RANBP10: variants seen among roughly 807,000 people sequenced by gnomAD.
The protein encoded by RANBP10 is ran-binding protein 10.
In RANBP10, 24 loss-of-function variants were observed where a neutral mutation model predicts 72.8. The ratio of observed to expected loss-of-function variants is 0.33; its 90% confidence interval spans 0.24 to 0.46. The LOEUF (loss-of-function observed/expected upper bound fraction) is 0.46, where lower values mean the gene tolerates loss of function less well. RANBP10 is among the 20% of genes least tolerant of loss of function. The pLI is 1.00. For missense variants in RANBP10, 679 were observed against 817.5 expected, an observed-to-expected ratio of 0.83 and a Z score of 2.07; for synonymous variants, 310 against 322.3, an observed-to-expected ratio of 0.96 and a Z score of 0.41.
At chr16:67,773,056 T>C (rs572655080) in intron 2 of RANBP10, among the ~76,000 whole-genome samples, 2 of 152,322 alleles carry the variant, frequency 1.3e-5, no homozygotes, top group East Asian at 3.9e-4. Context: ...TAGAATGATA[T>C]GGTTTCGATG....
At chr16:67,756,172 T>C (rs2054282336) in intron 3 of RANBP10, among the ~76,000 whole-genome samples, 1 of 152,232 alleles carries the variant, frequency 6.6e-6, no homozygotes, top group African/African-American at 2.4e-5. Flanking sequence ...GGAAGACTCC[T>C]GTAGGGTGCC....
intron 3 of RANBP10, among the ~76,000 whole-genome samples, chr16:67,750,832 T>A (rs982951331): frequency 7.1e-6 from 1 of 140,054 alleles, no homozygotes; most frequent in African/African-American, 2.6e-5. Flanking sequence ...AGCGGCGCAA[T>A]CTCGGCTCAC....
intron 3 of RANBP10, among the ~76,000 whole-genome samples, chr16:67,769,463 G>T (rs8062172): frequency 9.3e-6 from 1 of 107,810 alleles, no homozygotes; most frequent in African/African-American, 3.3e-5. Flanking sequence ...AAAAAAAAAA[G>T]TGCTGGGCGC....
At chr16:67,770,123 C>G (rs1428405442) in intron 3 of RANBP10, among the ~76,000 whole-genome samples, 1 of 152,004 alleles carries the variant, frequency 6.6e-6, no homozygotes, top group East Asian at 1.9e-4. Context: ...CAACTCAGTG[C>G]AAAAGTTGAA....
intron 2 of RANBP10, among the ~76,000 whole-genome samples, chr16:67,774,391 G>C (rs1303995040): frequency 2.6e-5 from 4 of 152,222 alleles, no homozygotes; most frequent in Non-Finnish European, 5.9e-5. Flanking sequence ...TATGGGAATG[G>C]GGAATCACTA....
At chr16:67,805,282 A>G in intron 2 of RANBP10, 146 bp downstream of exon 2, 1 of 618,526 alleles carries the variant, frequency 1.6e-6, no homozygotes, top group Admixed American at 3.0e-5. Flanking sequence ...AGACCAGACC[A>G]TGCCCACAGT....
chr16:67,797,481 A>C (rs1169584826), intron 2 of RANBP10, among the ~76,000 whole-genome samples: 2 of 151,990 alleles, frequency 1.3e-5, no homozygotes, highest in Non-Finnish European at 2.9e-5. Flanking sequence ...CCAGCCTAGG[A>C]AATATAGCAA....
intron 2 of RANBP10, among the ~76,000 whole-genome samples, chr16:67,792,017 C>T (rs1487596984): frequency 6.6e-6 from 1 of 150,866 alleles, no homozygotes; most frequent in Non-Finnish European, 1.5e-5. Flanking sequence ...TGCACTCCAG[C>T]CTGGGCAACA....
In RANBP10 at chr16:67,729,944, A is replaced by T; in HGVS notation, c.992T>A (p.Met331Lys). Residue 331 changes from methionine (M) to lysine (K), a missense_variant, in exon 8 of 14, where the codon ATG becomes AAG. Met to Lys is a moderately conservative substitution (Grantham distance 95, BLOSUM62 -1). Transcript: ENST00000317506. The surrounding 1 kb of genome is among the most constrained non-coding windows in gnomAD (Gnocchi z 7.1). ...LLEHNPNLLF[M>K]LKCRQFVEMV... ...GGGGGTGCCCAAGACTTACTTGAGC[A>T]TGAAGAGGAGGTTGGGGTTGTGCTC... The T allele has an allele frequency of 1.2e-6, 2 of 1,613,750 alleles. No homozygotes were observed. Among genetic ancestry groups the T allele is most frequent in the South Asian group, 1.1e-5 (1 of 91,076 alleles).
At chr16:67,746,983 C>T (rs1363110109) in intron 3 of RANBP10, among the ~76,000 whole-genome samples, 1 of 152,110 alleles carries the variant, frequency 6.6e-6, no homozygotes, top group African/African-American at 2.4e-5. Flanking sequence ...TGAATAAAGC[C>T]AACAAATATT....
intron 2 of RANBP10, 89 bp downstream of exon 2, chr16:67,805,339 C>G: frequency 8.4e-7 from 1 of 1,184,114 alleles, no homozygotes; most frequent in Middle Eastern, 2.8e-4. Flanking sequence ...CAGCTCACAT[C>G]AGCAACAAGT....
chr16:67,772,607 C>A lies in RANBP10; in HGVS notation c.348-521G>T, dbSNP rs76947236. ...TGGGTCTCAAAATTCATTACCTTCC[C>A]CGCATACATTCACATTGGCCTCCCA... On this transcript the variant is annotated intron_variant, in intron 2 of 13. Coordinates refer to ENST00000317506, the MANE Select transcript of RANBP10 (RefSeq NM_020850.3). Among the ~76,000 whole-genome samples the A allele has an allele frequency of 1.6e-3, 251 of 152,276 alleles. 2 individuals are homozygous for A. The highest frequency in any genetic ancestry group is 5.8e-3 in the African/African-American group (240 of 41,554).
intron 2 of RANBP10, among the ~76,000 whole-genome samples, chr16:67,781,445 G>A (rs116585045): frequency 4.0e-4 from 61 of 152,282 alleles, no homozygotes; most frequent in African/African-American, 1.4e-3. Context: ...AATAGATAGA[G>A]CAGCTTAGCT....
At chr16:67,735,158 C>A in intron 5 of RANBP10, 116 bp from the exon 6 acceptor site, 1 of 1,057,464 alleles carries the variant, frequency 9.5e-7, no homozygotes, top group South Asian at 1.7e-5. Flanking sequence ...TGCAGCAAGG[C>A]TGGAGGAGGC....
chr16:67,768,446 G>A (rs181579527), intron 3 of RANBP10, among the ~76,000 whole-genome samples: 61 of 152,164 alleles, frequency 4.0e-4, no homozygotes, highest in Admixed American at 2.1e-3. Context: ...GCTTGAACCC[G>A]GGAGGTGGAG....
At chr16:67,734,495 T>C (rs894027169) in intron 6 of RANBP10, among the ~76,000 whole-genome samples, 2 of 152,178 alleles carry the variant, frequency 1.3e-5, no homozygotes, top group African/African-American at 2.4e-5. Flanking sequence ...CACAGCACCA[T>C]GGATACTCCC....
At chr16:67,796,897 A>G (rs561808959) in intron 2 of RANBP10, among the ~76,000 whole-genome samples, 1 of 152,320 alleles carries the variant, frequency 6.6e-6, no homozygotes, top group East Asian at 1.9e-4. Flanking sequence ...AAGACATTTT[A>G]TATGGATTTT....
chr16:67,727,434 G>T lies in RANBP10; in HGVS notation c.1625C>A (p.Ala542Asp). The T allele has an allele frequency of 6.2e-7, 1 of 1,612,922 alleles. No individual in the cohort carries two copies. The highest frequency in any genetic ancestry group is 8.5e-7 in the Non-Finnish European group (1 of 1,179,414). The part of the protein sequence containing the change: ...NLAHTEMLQD[A>D]FSLLAYSDPW... ...GTCTGAGTATGCCAGCAGGCTGAAG[G>T]CATCCTACAGGACAGGGCATTCTTG... The change falls in exon 13 of 14, where the codon GCC (alanine) becomes GAC (aspartate). Residue 542 changes from alanine (A) to aspartate (D), a missense_variant. Ala to Asp is a moderately radical substitution (Grantham distance 126). Transcript: ENST00000317506.
At chr16:67,737,592 C>T (rs1193839837) in intron 5 of RANBP10, among the ~76,000 whole-genome samples, 1 of 152,020 alleles carries the variant, frequency 6.6e-6, no homozygotes, top group Non-Finnish European at 1.5e-5. Context: ...GATGAGTTCC[C>T]CTAGGGCACT....
Sources: gnomAD v4.1 joint callset for allele counts (sites outside exome capture counted in the v4.1 genomes callset) on GRCh38, gnomAD v4.1.1 for gene constraint, Gnocchi (gnomAD v3.1) non-coding constraint, MANE v1.5 for transcripts, NCBI Gene and HGNC (gene_info 2026-07-23, HGNC 2026-07-21) for gene names.